Variants in TMX3 observed in about 807,000 individuals in gnomAD.
TMX3 encodes the protein protein disulfide-isomerase TMX3.
Under a neutral mutation model 64.4 loss-of-function variants are expected in TMX3, and 40 were observed. That is an observed-to-expected ratio of 0.62 (90% CI 0.48 to 0.81). The LOEUF (loss-of-function observed/expected upper bound fraction) is 0.81. TMX3 is among the 30% of genes least tolerant of loss of function. TMX3 has a pLI of 0.00. For synonymous variants in TMX3, 189 were observed against 175.7 expected (o/e 1.08, Z -0.60); for missense variants, 497 against 534.5 (o/e 0.93, Z 0.69).
intron 15 of TMX3, among the ~76,000 whole-genome samples, chr18:68,678,618 A>G (rs2145003460): frequency 6.6e-6 from 1 of 152,290 alleles, no homozygotes; most frequent in South Asian, 2.1e-4. Context: ...TGACAGAGTG[A>G]GCATTAGTTT....
rs539200981 is a variant in TMX3 at position 68,675,800 on chromosome 18, T to C, written c.*1133A>G. 4 of 152,298 alleles carry C rather than the reference T, an allele frequency of 2.6e-5. No individual in the cohort carries two copies. The East Asian group carries it at 7.7e-4, about 29-fold the overall frequency. The allele number at this position is 152,298 out of a possible 1,614,324, so 9.4% of individuals were successfully genotyped here. On this transcript the variant is annotated 3_prime_UTR_variant, in exon 16 of 16. Transcript: ENST00000299608. ...AATTCCTGTATTAGTTTATAGAAGA[T>C]GAGAGGTCACTTGACGAAATGGGTG...
intron 2 of TMX3, among the ~76,000 whole-genome samples, chr18:68,712,523 C>A (rs1402776975): frequency 6.6e-6 from 1 of 152,132 alleles, no homozygotes; most frequent in Non-Finnish European, 1.5e-5. Flanking sequence ...TCATTTTCCA[C>A]ATTTAGCTGA....
chr18:68,703,600 A>AT (rs1254118559), intron 4 of TMX3, among the ~76,000 whole-genome samples: 4 of 152,190 alleles, frequency 2.6e-5, no homozygotes, highest in East Asian at 1.9e-4. Context: ...CGCTTCTGAC[A>AT]TAATTTTAAT....
At chr18:68,710,171 CAAA>C (rs113906830) in intron 3 of TMX3, 27 bp from the exon 4 acceptor site, 1 of 1,494,566 alleles carries the variant, frequency 6.7e-7, no homozygotes, top group African/African-American at 1.4e-5. Context: ...AAACAACAAA[CAAA>C]AAAAGATAAC....
chr18:68,684,362 G>A, intron 11 of TMX3, 66 bp downstream of exon 11: 1 of 1,519,418 alleles, frequency 6.6e-7, no homozygotes, highest in Non-Finnish European at 9.1e-7. Flanking sequence ...ACCATATCAA[G>A]TCTATCTAAA....
At chr18:68,679,178 T>C (rs917602587) in intron 15 of TMX3, among the ~76,000 whole-genome samples, 3 of 152,100 alleles carry the variant, frequency 2.0e-5, no homozygotes, top group African/African-American at 7.2e-5. Context: ...ATCATAGAAA[T>C]TACTAAGTAA....
chr18:68,682,409 TTA>T (rs1913523447), intron 13 of TMX3, among the ~76,000 whole-genome samples: 1 of 152,184 alleles, frequency 6.6e-6, no homozygotes, highest in African/African-American at 2.4e-5. Context: ...TCCTACAAAT[TTA>T]GTCTACTCAA....
chr18:68,690,787 C>T (rs1017865579), intron 9 of TMX3, among the ~76,000 whole-genome samples: 1 of 152,024 alleles, frequency 6.6e-6, no homozygotes, highest in Non-Finnish European at 1.5e-5. Flanking sequence ...CTCTTTACTA[C>T]GATGTATGTT....
rs541509106 is a variant in TMX3 at position 68,702,565 on chromosome 18, A to G, written c.266-775T>C. 1.1e-4 allele frequency among the ~76,000 whole-genome samples: 16 copies of G among 152,362 alleles called. No individual in the cohort carries two copies. The South Asian group carries it at 3.3e-3, about 32-fold the overall frequency. On this transcript the variant is annotated intron_variant, in intron 4 of 15. Coordinates refer to ENST00000299608, the MANE Select transcript of TMX3 (RefSeq NM_019022.5). ...TTTACAGACAAAACGCCACCAGGAC[A>G]GGAAAGAAGAAATAAAATATTCTCA...
At chr18:68,679,372 C>G (rs376343673) in intron 15 of TMX3, 91 bp downstream of exon 15, 3 of 1,004,114 alleles carry the variant, frequency 3.0e-6, no homozygotes, top group Non-Finnish European at 4.4e-6. Flanking sequence ...ATATTTTGAC[C>G]TAATCTTTTC....
chr18:68,713,044 T>C (rs1414288119), intron 2 of TMX3, among the ~76,000 whole-genome samples: 1 of 150,804 alleles, frequency 6.6e-6, no homozygotes, highest in African/African-American at 2.4e-5. Context: ...CTCCTCAGTG[T>C]TCCATCTCTC....
chr18:68,707,979 G>A (rs2030859703), intron 4 of TMX3, among the ~76,000 whole-genome samples: 1 of 149,098 alleles, frequency 6.7e-6, no homozygotes, highest in Admixed American at 6.6e-5. Context: ...GTACATATAT[G>A]TGTATGTGTA....
chr18:68,710,357 T>C (rs1402218922), intron 3 of TMX3, among the ~76,000 whole-genome samples: 1 of 152,168 alleles, frequency 6.6e-6, no homozygotes, highest in Non-Finnish European at 1.5e-5. Flanking sequence ...ACCGGTACTA[T>C]CTTAAGCTCA....
At chr18:68,701,218 T>C (rs1473926080) in intron 5 of TMX3, among the ~76,000 whole-genome samples, 1 of 152,124 alleles carries the variant, frequency 6.6e-6, no homozygotes, top group Non-Finnish European at 1.5e-5. Context: ...TGTTAAAATA[T>C]TTTTTAAACT....
rs776816131 is a variant in TMX3 at position 68,691,367 on chromosome 18, A to G, written c.571-6T>C. 2.7e-6 allele frequency: 4 copies of G among 1,490,268 alleles called. No individual in the cohort carries two copies. The highest frequency in any genetic ancestry group is 1.4e-5 in the South Asian group (1 of 71,380). 92.3% of individuals were successfully genotyped at this position (1,490,268 alleles called of 1,614,324 possible). ...ATCTCTTTTAGTGTCACATACTGCA[A>G]AAAATCAGAAGTTTAAATAACTTTT... On this transcript the variant is annotated splice_region_variant and splice_polypyrimidine_tract_variant and intron_variant, in intron 8 of 15. Transcript: ENST00000299608.
At chr18:68,679,972 C>T (rs1047981538) in intron 14 of TMX3, among the ~76,000 whole-genome samples, 1 of 152,124 alleles carries the variant, frequency 6.6e-6, no homozygotes, top group East Asian at 1.9e-4. Flanking sequence ...CTATATTCGG[C>T]CATACCTGCA....
Position 68,713,900 on chromosome 18 carries a change from A to G in TMX3, c.47T>C (p.Val16Ala). The change falls in exon 2 of 16, where the codon GTT becomes GCT. Residue 16 changes from valine to alanine, a missense_variant and splice_region_variant. By Grantham distance (64) the Val-to-Ala change is moderately conservative. Around this residue, in one of 3 missense-constraint regions of TMX3, gnomAD observed 360 missense variants for 383.5 expected, o/e 0.94. Transcript: ENST00000299608. ...SWTALRLCAT[V>A]VVLDMVVCKG... ...ACAGACGACCATATCAAGTACAACA[A>G]CTGAAAAAAAAAGACAAAATGTACA... 6.3e-7 allele frequency: 1 copy of G among 1,578,356 alleles called. No individual in the cohort carries two copies. Among genetic ancestry groups the G allele is most frequent in the Non-Finnish European group, 8.7e-7 (1 of 1,155,842 alleles).
At chr18:68,708,858 A>T (rs375590610) in intron 4 of TMX3, among the ~76,000 whole-genome samples, 11 of 152,252 alleles carry the variant, frequency 7.2e-5, no homozygotes, top group East Asian at 5.8e-4. Context: ...TGATTTCCAC[A>T]ACCTTGAGGA....
chr18:68,673,969 A>AT lies in TMX3; in HGVS notation c.*2963dup, dbSNP rs1912727962. 1 of 152,112 alleles carries AT rather than the reference A, an allele frequency of 6.6e-6. No individual in the cohort carries two copies. Among genetic ancestry groups the AT allele is most frequent in the Admixed American group, 6.5e-5 (1 of 15,268 alleles). 9.4% of individuals were successfully genotyped at this position (152,112 alleles called of 1,614,324 possible). A position where few individuals can be genotyped will look rare whatever the true frequency, so the allele number is the denominator to read the frequency against. On this transcript the variant is annotated 3_prime_UTR_variant, in exon 16 of 16. Transcript: ENST00000299608. ...TTTAATGCATAAGGAGTGTTGAATG[A>AT]TTTTTCCCTGTCCTAACTCCATGTC...
Sources: gnomAD v4.1 joint callset for allele counts (sites outside exome capture counted in the v4.1 genomes callset) on GRCh38, gnomAD v4.1.1 for gene constraint, gnomAD v4.1.1 regional missense constraint, MANE v1.5 for transcripts, NCBI Gene and HGNC (gene_info 2026-07-23, HGNC 2026-07-21) for gene names.